The following CLUL1 variants were observed in gnomAD, a reference collection of about 807,000 sequenced individuals.
CLUL1 encodes the protein clusterin like 1.
CLUL1 carries 43 observed loss-of-function variants against 49.4 expected under a neutral mutation model. The ratio of observed to expected loss-of-function variants is 0.87; its 90% CI spans 0.68 to 1.12. The LOEUF (loss-of-function observed/expected upper bound fraction) is 1.12, where lower values mean the gene tolerates loss of function less well. Ranked by LOEUF, CLUL1 falls within the 50% of genes most tolerant of loss-of-function variation. The pLI is 0.00. For synonymous variants in CLUL1, 192 were observed against 184.9 expected (o/e 1.04, Z -0.31); for missense variants, 486 against 544.4 (o/e 0.89, Z 1.07).
intron 9 of CLUL1, among the ~76,000 whole-genome samples, chr18:646,008 T>G (rs1379849651): frequency 6.6e-6 from 1 of 151,250 alleles, no homozygotes; most frequent in East Asian, 1.9e-4. Flanking sequence ...CAGCTAGTCT[T>G]GGAGGTAATA....
At chr18:599,908 A>C (rs1598405700) in intron 1 of CLUL1, among the ~76,000 whole-genome samples, 1 of 151,272 alleles carries the variant, frequency 6.6e-6, no homozygotes. Flanking sequence ...AGATCGCGCC[A>C]CTGCACTCCA....
intron 7 of CLUL1, among the ~76,000 whole-genome samples, chr18:640,300 C>T (rs2074304611): frequency 1.3e-5 from 2 of 151,788 alleles, no homozygotes; most frequent in South Asian, 4.2e-4. Context: ...GTCCTAGCTA[C>T]TCAGGAGGCT....
At chr18:626,944 AAG>A (rs763571535) in intron 5 of CLUL1, among the ~76,000 whole-genome samples, 151 bp from the exon 6 acceptor site, 1,055 of 3,036 alleles carry the variant, frequency 0.35, 378 homozygotes, top group Non-Finnish European at 0.52. Flanking sequence ...AGAAGGAAAG[AAG>A]GAAGGAAGGA....
chr18:619,460 T>C, intron 4 of CLUL1, 99 bp downstream of exon 4: 4 of 1,121,368 alleles, frequency 3.6e-6, no homozygotes, highest in South Asian at 2.1e-5. Context: ...TCCTTAGTAA[T>C]AAATTTCATG....
chr18:618,166 T>A lies in CLUL1; in HGVS notation c.106+60T>A. 7.9e-7 allele frequency: 1 copy of A among 1,268,546 alleles called. No individual in the cohort carries two copies. The allele number at this position is 1,268,546 out of a possible 1,614,324, so 78.6% of individuals were successfully genotyped here. A position where few individuals can be genotyped will look rare whatever the true frequency, so the allele number is the denominator to read the frequency against. On this transcript the variant is annotated intron_variant, in intron 3 of 9. Coordinates refer to ENST00000692774, the MANE Select transcript of CLUL1 (RefSeq NM_001393344.1). The surrounding 1 kb of genome is among the most constrained non-coding windows in gnomAD (Gnocchi z 4.2). ...TTGCATGTTGGTTGTCCTGCTGGCG[T>A]TTATAGTGAGTCGCAGTTGAGAGAT...
At chr18:612,176 G>C (rs1835313471) in intron 2 of CLUL1, among the ~76,000 whole-genome samples, 1 of 152,196 alleles carries the variant, frequency 6.6e-6, no homozygotes, top group Non-Finnish European at 1.5e-5. Context: ...AACAACAGTG[G>C]CCTTTTAAAA....
chr18:621,515 T>C (rs1238058370), intron 4 of CLUL1, among the ~76,000 whole-genome samples: 1 of 152,198 alleles, frequency 6.6e-6, no homozygotes, highest in African/African-American at 2.4e-5. Context: ...TGAGGAAATC[T>C]AAAATAGCTC....
intron 6 of CLUL1, among the ~76,000 whole-genome samples, chr18:628,341 A>G (rs909893910): frequency 1.3e-5 from 2 of 152,222 alleles, no homozygotes; most frequent in Non-Finnish European, 2.9e-5. Flanking sequence ...ATGCTCATAA[A>G]CCCCAAACTA....
At chr18:624,413 A>G (rs2144038460) in intron 4 of CLUL1, among the ~76,000 whole-genome samples, 1 of 152,318 alleles carries the variant, frequency 6.6e-6, no homozygotes, top group African/African-American at 2.4e-5. Flanking sequence ...AAGGATATAC[A>G]ACAATTAAAG....
chr18:605,088 T>C (rs1473333206), intron 1 of CLUL1, among the ~76,000 whole-genome samples: 1 of 152,214 alleles, frequency 6.6e-6, no homozygotes, highest in Non-Finnish European at 1.5e-5. Flanking sequence ...ACTAAAGACA[T>C]ACAGACAATG....
chr18:597,888 G>T (rs2072700917), intron 1 of CLUL1: 1 of 152,210 alleles, frequency 6.6e-6, no homozygotes, highest in Non-Finnish European at 1.5e-5. Flanking sequence ...CTGGTTAACT[G>T]AGGTTAACGA....
chr18:632,961 G>A (rs188274539), intron 6 of CLUL1, among the ~76,000 whole-genome samples: 3 of 152,060 alleles, frequency 2.0e-5, no homozygotes, highest in East Asian at 1.9e-4. Flanking sequence ...TCAAGAAACC[G>A]GCCTGGACAA....
chr18:645,810 A>AATATATATATAT (rs35329822), intron 9 of CLUL1, among the ~76,000 whole-genome samples: 3 of 29,866 alleles, frequency 1.0e-4, no homozygotes, highest in African/African-American at 1.4e-4. Flanking sequence ...AAAAAAAAAA[A>AATATATATATAT]ATATATATAT....
chr18:619,373 G>A lies in CLUL1; in HGVS notation c.255+12G>A. 1 of 1,607,280 alleles carries A rather than the reference G, an allele frequency of 6.2e-7. No individual in the cohort carries two copies. The highest frequency in any genetic ancestry group is 8.5e-7 in the Non-Finnish European group (1 of 1,177,204). ...GAGAAGAAAAGCAGGTACAGTCATT[G>A]AAAATAATGTCTGTTCTTACACAGA... On this transcript the variant is annotated intron_variant, in intron 4 of 9. Transcript: ENST00000692774.
rs2072668893 is a variant in CLUL1, at chr18:597,029, C to T, written c.-236C>T. 2 of 152,722 alleles carry T rather than the reference C, an allele frequency of 1.3e-5. No individual in the cohort carries two copies. Among genetic ancestry groups the T allele is most frequent in the Admixed American group, 1.3e-4 (2 of 15,286 alleles). The allele number at this position is 152,722 out of a possible 1,614,324, so 9.5% of individuals were successfully genotyped here. ...AGGCCCGGGCCGCGGGGTTGGTTTCCACCCTGGAGGTTGCTGACACCCTGT... is the reference window on the plus strand; with the variant it reads ...AGGCCCGGGCCGCGGGGTTGGTTTCTACCCTGGAGGTTGCTGACACCCTGT... On this transcript the variant is annotated 5_prime_UTR_variant, in exon 1 of 10. Transcript: ENST00000692774.
chr18:620,898 TAAATC>T (rs1186962227), intron 4 of CLUL1, among the ~76,000 whole-genome samples: 2 of 152,184 alleles, frequency 1.3e-5, no homozygotes, highest in Non-Finnish European at 2.9e-5. Context: ...ACATTACCCT[TAAATC>T]AAAGAGGAAA....
At chr18:649,521 AC>A (rs2144232085) in intron 9 of CLUL1, 1 of 163,860 alleles carries the variant, frequency 6.1e-6, no homozygotes, top group African/African-American at 2.4e-5. Flanking sequence ...ATGGGCTCTT[AC>A]CATCATCATC....
At chr18:645,352 T>G in intron 9 of CLUL1, 1 of 301,444 alleles carries the variant, frequency 3.3e-6, no homozygotes, top group Non-Finnish European at 6.0e-6. Context: ...TGGTTTTGCA[T>G]TTTTGAAAGC....
intron 4 of CLUL1, 145 bp downstream of exon 4, chr18:619,506 A>G: frequency 1.3e-6 from 1 of 798,162 alleles, no homozygotes. Context: ...GTTTAAGGGA[A>G]GCTTCAGATT....
Sources: gnomAD v4.1 joint callset for allele counts (sites outside exome capture counted in the v4.1 genomes callset) on GRCh38, gnomAD v4.1.1 for gene constraint, Gnocchi (gnomAD v3.1) non-coding constraint, MANE v1.5 for transcripts, NCBI Gene and HGNC (gene_info 2026-07-23, HGNC 2026-07-21) for gene names.